GIGYF2: variants seen among roughly 807,000 people sequenced by gnomAD.
The protein encoded by GIGYF2 is GRB10-interacting GYF protein 2.
In GIGYF2, 25 loss-of-function variants were observed where a neutral mutation model predicts 208.1. That is an observed-to-expected ratio of 0.12 (90% CI 0.09 to 0.17). The LOEUF is 0.17. Ranked by LOEUF, GIGYF2 falls within the 10% of genes least tolerant of loss-of-function variation. GIGYF2 has a pLI of 1.00. For synonymous variants in GIGYF2, 534 were observed against 543.8 expected (o/e 0.98, Z 0.25); for missense variants, 1,302 against 1,579.4 (o/e 0.82, Z 2.98).
In GIGYF2 at chr2:232,838,878, A is replaced by G. The variant is rs1701730293; in HGVS notation, c.2767-971A>G. On this transcript the variant is annotated intron_variant, in intron 22 of 28. Coordinates refer to ENST00000373563, the MANE Select transcript of GIGYF2 (RefSeq NM_001103146.3). Reference sequence around the variant, plus strand: ...CCCTATTGTCTGTCATATTGGCTAAAAAATGTTAAGAGTTGATTATGTTCA... The same window carrying G: ...CCCTATTGTCTGTCATATTGGCTAAGAAATGTTAAGAGTTGATTATGTTCA... 2.0e-5 allele frequency among the ~76,000 whole-genome samples: 3 copies of G among 152,140 alleles called. No individual in the cohort carries two copies. In the South Asian group the frequency reaches 6.2e-4, roughly 31 times the overall value.
chr2:232,832,628 A>C (rs147898836), intron 21 of GIGYF2, among the ~76,000 whole-genome samples: 10 of 152,304 alleles, frequency 6.6e-5, no homozygotes, highest in African/African-American at 2.4e-4. Flanking sequence ...ACATGTTTAA[A>C]ATGACAGTCC....
At chr2:232,807,405 A>G (rs1303306427) in intron 15 of GIGYF2, among the ~76,000 whole-genome samples, 3 of 152,170 alleles carry the variant, frequency 2.0e-5, no homozygotes, top group Admixed American at 6.5e-5. Context: ...CTAGCCGGGT[A>G]TGGTGGCAAT....
intron 9 of GIGYF2, among the ~76,000 whole-genome samples, chr2:232,787,792 C>G (rs1699960791): frequency 6.6e-6 from 1 of 152,162 alleles, no homozygotes; most frequent in Non-Finnish European, 1.5e-5. Flanking sequence ...GAAGAATAAG[C>G]TTTAAACCTA....
At chr2:232,822,889 A>G (rs1231567072) in intron 21 of GIGYF2, among the ~76,000 whole-genome samples, 2 of 151,980 alleles carry the variant, frequency 1.3e-5, no homozygotes, top group East Asian at 1.9e-4. Context: ...TTCCTTTCCA[A>G]CCTTGGATAG....
intron 9 of GIGYF2, among the ~76,000 whole-genome samples, chr2:232,789,620 G>A (rs759822574): frequency 6.6e-6 from 1 of 151,980 alleles, no homozygotes; most frequent in Non-Finnish European, 1.5e-5. Context: ...GCATTTTAAC[G>A]TTTTGCCCTT....
At chr2:232,833,880 CT>C (rs79831639) in intron 22 of GIGYF2, among the ~76,000 whole-genome samples, 319 of 139,976 alleles carry the variant, frequency 2.3e-3, no homozygotes, top group Middle Eastern at 3.7e-3. Context: ...GGATTCAAAA[CT>C]TTTTTTTTTT....
intron 26 of GIGYF2, among the ~76,000 whole-genome samples, chr2:232,846,745 C>A (rs1702018209): frequency 6.6e-6 from 1 of 152,170 alleles, no homozygotes; most frequent in Admixed American, 6.5e-5. Flanking sequence ...TTTAAAGATA[C>A]CTTTACAAGA....
At chr2:232,847,633 C>T (rs1702065438) in intron 27 of GIGYF2, 62 bp downstream of exon 27, 1 of 1,593,084 alleles carries the variant, frequency 6.3e-7, no homozygotes, top group African/African-American at 1.3e-5. Context: ...TGTTGAGTAA[C>T]CCAAGAAATG....
chr2:232,713,744 C>T (rs866050330), intron 2 of GIGYF2, among the ~76,000 whole-genome samples: 4 of 152,200 alleles, frequency 2.6e-5, no homozygotes, highest in East Asian at 1.9e-4. Context: ...TAGAATGACT[C>T]TCTTTTAGAA....
At chr2:232,845,163 T>C (rs915317388) in intron 25 of GIGYF2, among the ~76,000 whole-genome samples, 1 of 152,144 alleles carries the variant, frequency 6.6e-6, no homozygotes, top group African/African-American at 2.4e-5. Context: ...ATCGGTAAAA[T>C]GAAGATAATA....
chr2:232,768,471 A>G lies in GIGYF2; in HGVS notation c.532+7035A>G, dbSNP rs368221882. Reference sequence around the variant, plus strand: ...CTCCTGCATTGCTGAAAGGAATACAACTAATTCAAAGTGAGAAGGATTTTC... The same window carrying G: ...CTCCTGCATTGCTGAAAGGAATACAGCTAATTCAAAGTGAGAAGGATTTTC... On this transcript the variant is annotated intron_variant, in intron 8 of 28. Transcript: ENST00000373563. The G allele has an allele frequency of 3.7e-5, 59 of 1,614,090 alleles. No homozygotes were observed. Among genetic ancestry groups the G allele is most frequent in the Non-Finnish European group, 4.5e-5 (53 of 1,180,026 alleles).
chr2:232,735,218 A>G lies in GIGYF2; in HGVS notation c.21A>G (p.Thr7=), dbSNP rs761741339. The change falls in exon 3 of 29, where the codon ACA becomes ACG. Residue 7 remains threonine (T), a synonymous_variant. Transcript: ENST00000373563. Reference sequence around the variant, plus strand: ...AAAGAATGGCAGCGGAAACGCAGACACTGAACTTTGGGCCTGAATGGTGAG... The same window carrying G: ...AAAGAATGGCAGCGGAAACGCAGACGCTGAACTTTGGGCCTGAATGGTGAG... MAAETQ[T]LNFGPEWLRA... 1.2e-6 allele frequency: 2 copies of G among 1,609,394 alleles called. No individual in the cohort carries two copies. The highest frequency in any genetic ancestry group is 1.1e-5 in the South Asian group (1 of 90,954).
chr2:232,816,451 AAGTT>A (rs1259963495), intron 19 of GIGYF2, among the ~76,000 whole-genome samples: 6 of 152,174 alleles, frequency 3.9e-5, no homozygotes, highest in African/African-American at 1.4e-4. Flanking sequence ...TTCAATCAGA[AAGTT>A]ATTTGTAGGG....
At chr2:232,812,329 A>G (rs1395104201) in intron 17 of GIGYF2, 62 bp from the exon 18 acceptor site, 1 of 764,992 alleles carries the variant, frequency 1.3e-6, no homozygotes, top group Non-Finnish European at 2.3e-6. Flanking sequence ...ATTCCTCTTC[A>G]TCTTTTTTTT....
intron 8 of GIGYF2, among the ~76,000 whole-genome samples, chr2:232,781,287 T>TACACACACACACACACACACACACACAC (rs3062047): frequency 7.9e-6 from 1 of 127,058 alleles, no homozygotes; most frequent in African/African-American, 3.1e-5. Context: ...ATATCAGGAA[T>TACACACACACACACACACACACACACAC]ACACACACAC....
At chr2:232,736,120 G>A in intron 3 of GIGYF2, 1 of 969,298 alleles carries the variant, frequency 1.0e-6, no homozygotes, top group Non-Finnish European at 1.2e-6. Context: ...TAATCTCGAA[G>A]TTTTCTTAAC....
intron 3 of GIGYF2, among the ~76,000 whole-genome samples, chr2:232,745,520 C>T (rs1698119134): frequency 6.6e-6 from 1 of 152,170 alleles, no homozygotes; most frequent in South Asian, 2.1e-4. Context: ...TAATGTGTTA[C>T]TGTTGGACAC....
intron 3 of GIGYF2, among the ~76,000 whole-genome samples, chr2:232,741,132 T>C (rs1454197214): frequency 6.6e-6 from 1 of 152,250 alleles, no homozygotes; most frequent in East Asian, 1.9e-4. Flanking sequence ...AGATGTCTTA[T>C]AAGCATCTCA....
At chr2:232,807,274 G>A (rs958454130) in intron 15 of GIGYF2, among the ~76,000 whole-genome samples, 1 of 152,198 alleles carries the variant, frequency 6.6e-6, no homozygotes, top group Non-Finnish European at 1.5e-5. Context: ...TAATCCTGGT[G>A]TGGGAGGGAT....
Sources: allele counts gnomAD v4.1 joint callset (sites outside exome capture counted in the v4.1 genomes callset), GRCh38; gene constraint gnomAD v4.1.1; transcripts MANE v1.5; gene names NCBI Gene and HGNC (gene_info 2026-07-23, HGNC 2026-07-21).